Variants in CTNND2 observed in about 807,000 individuals in gnomAD.
The protein encoded by CTNND2 is catenin delta-2.
CTNND2 carries 22 observed loss-of-function variants against 144.4 expected under a neutral mutation model. The ratio of observed to expected loss-of-function variants is 0.15; its 90% CI spans 0.11 to 0.22. CTNND2 has a LOEUF of 0.22. CTNND2 is among the 10% of genes least tolerant of loss of function. The pLI is 1.00. For synonymous variants in CTNND2, 751 were observed against 695.6 expected (o/e 1.08, Z -1.25); for missense variants, 1,353 against 1,618.8 (o/e 0.84, Z 2.82).
chr5:11,330,001 G>A (rs1752920269), intron 9 of CTNND2, among the ~76,000 whole-genome samples: 1 of 152,120 alleles, frequency 6.6e-6, no homozygotes, highest in Non-Finnish European at 1.5e-5. Flanking sequence ...TTACTGCAGT[G>A]AATGAGCTAA....
intron 2 of CTNND2, among the ~76,000 whole-genome samples, chr5:11,627,534 T>C (rs1484991882): frequency 1.3e-5 from 2 of 151,582 alleles, no homozygotes; most frequent in Admixed American, 6.6e-5. Flanking sequence ...GCAGACAAAA[T>C]GAAAAAAAAT....
At chr5:11,123,382 G>C (rs891813745) in intron 12 of CTNND2, among the ~76,000 whole-genome samples, 12 of 152,174 alleles carry the variant, frequency 7.9e-5, no homozygotes, top group African/African-American at 2.9e-4. Context: ...GTGCCACCAG[G>C]GAATATTTTT....
intron 2 of CTNND2, among the ~76,000 whole-genome samples, chr5:11,660,311 A>G (rs1783124458): frequency 6.6e-6 from 1 of 152,158 alleles, no homozygotes; most frequent in South Asian, 2.1e-4. Flanking sequence ...TGGTACGAGA[A>G]AAGTATAAGT....
At chr5:11,439,262 C>A (rs1764037065) in intron 3 of CTNND2, among the ~76,000 whole-genome samples, 1 of 152,098 alleles carries the variant, frequency 6.6e-6, no homozygotes, top group Non-Finnish European at 1.5e-5. Flanking sequence ...GAATTGTCAT[C>A]AAATTAATTC....
At chr5:11,399,945 CAT>C (rs1426548425) in intron 5 of CTNND2, among the ~76,000 whole-genome samples, 1 of 152,170 alleles carries the variant, frequency 6.6e-6, no homozygotes, top group Non-Finnish European at 1.5e-5. Context: ...AGAGCACAGA[CAT>C]ATGAAACACG....
At chr5:11,824,581 A>G (rs1450026875) in intron 1 of CTNND2, among the ~76,000 whole-genome samples, 1 of 152,200 alleles carries the variant, frequency 6.6e-6, no homozygotes, top group Non-Finnish European at 1.5e-5. Flanking sequence ...TCAGTGACAC[A>G]AAGCAGAAGT....
intron 1 of CTNND2, among the ~76,000 whole-genome samples, chr5:11,897,087 TC>T (rs1737452717): frequency 1.3e-5 from 2 of 152,180 alleles, no homozygotes; most frequent in African/African-American, 4.8e-5. Context: ...GGATTCTTCT[TC>T]CTTATTTGGT....
At chr5:11,868,234 C>T (rs1324056671) in intron 1 of CTNND2, among the ~76,000 whole-genome samples, 1 of 152,072 alleles carries the variant, frequency 6.6e-6, no homozygotes, top group Non-Finnish European at 1.5e-5. Context: ...CGGCTGGACT[C>T]CTGCCTCTGC....
intron 1 of CTNND2, among the ~76,000 whole-genome samples, chr5:11,743,519 T>A (rs1345371960): frequency 6.6e-6 from 1 of 152,148 alleles, no homozygotes; most frequent in Admixed American, 6.5e-5. Flanking sequence ...CTTGCAAATA[T>A]AGAATCTGGC....
chr5:11,211,827 G>C (rs1738670959), intron 10 of CTNND2, among the ~76,000 whole-genome samples: 1 of 152,166 alleles, frequency 6.6e-6, no homozygotes. Context: ...GCCTATGGTT[G>C]TAACAAATGA....
intron 12 of CTNND2, among the ~76,000 whole-genome samples, chr5:11,155,466 C>T (rs1353396026): frequency 6.6e-6 from 1 of 152,098 alleles, no homozygotes; most frequent in Admixed American, 6.5e-5. Context: ...AAAATGGATG[C>T]TTGAATCTGG....
chr5:11,151,087 G>C (rs117231220), intron 12 of CTNND2, among the ~76,000 whole-genome samples: 2 of 152,164 alleles, frequency 1.3e-5, no homozygotes, highest in Admixed American at 6.5e-5. Context: ...ACTAACTCAC[G>C]GGTTGTTTGG....
intron 18 of CTNND2, among the ~76,000 whole-genome samples, chr5:11,002,848 GTTAGATTCA>G (rs1284711184): frequency 2.0e-5 from 3 of 152,146 alleles, no homozygotes; most frequent in African/African-American, 7.2e-5. Context: ...ATCCTTAGAA[GTTAGATTCA>G]TCAACTATTT....
chr5:11,865,222 G>A (rs1795706291), intron 1 of CTNND2, among the ~76,000 whole-genome samples: 1 of 152,118 alleles, frequency 6.6e-6, no homozygotes, highest in Non-Finnish European at 1.5e-5. Flanking sequence ...TGTAAAATGG[G>A]CTGATTTAAG....
At chr5:11,417,340 G>A (rs1762010776) in intron 3 of CTNND2, among the ~76,000 whole-genome samples, 2 of 152,016 alleles carry the variant, frequency 1.3e-5, no homozygotes, top group African/African-American at 4.8e-5. Context: ...AACCTTATGT[G>A]ACTAAAAAAC....
intron 7 of CTNND2, among the ~76,000 whole-genome samples, chr5:11,381,315 C>T (rs1758457924): frequency 6.6e-6 from 1 of 152,158 alleles, no homozygotes; most frequent in African/African-American, 2.4e-5. Flanking sequence ...GATCAGAATG[C>T]AGTACTCCTC....
chr5:11,451,336 T>C (rs11954276), intron 3 of CTNND2, among the ~76,000 whole-genome samples: 13 of 152,302 alleles, frequency 8.5e-5, no homozygotes, highest in African/African-American at 3.1e-4. Context: ...GAGCTCTACC[T>C]AGAACCAAGA....
chr5:11,220,329 T>A (rs1322101364), intron 10 of CTNND2, among the ~76,000 whole-genome samples: 1 of 152,060 alleles, frequency 6.6e-6, no homozygotes, highest in Non-Finnish European at 1.5e-5. Context: ...GAAAAAATAT[T>A]AGTTAGGTTA....
At chr5:11,870,987 CA>C (rs1296506655) in intron 1 of CTNND2, among the ~76,000 whole-genome samples, 20 of 152,076 alleles carry the variant, frequency 1.3e-4, no homozygotes, top group Non-Finnish European at 1.9e-4. Context: ...TATTTGGAGA[CA>C]GGGGTCTTTG....
Sources: gnomAD v4.1 joint callset for allele counts (sites outside exome capture counted in the v4.1 genomes callset) on GRCh38, gnomAD v4.1.1 for gene constraint, MANE v1.5 for transcripts, NCBI Gene and HGNC (gene_info 2026-07-23, HGNC 2026-07-21) for gene names.